Variants in C3orf70 observed in about 807,000 individuals in gnomAD.
C3orf70 encodes the protein UPF0524 protein C3orf70.
A neutral mutation model predicts 20.7 loss-of-function variants in C3orf70; 15 were observed. The ratio of observed to expected loss-of-function variants is 0.72; its 90% CI spans 0.48 to 1.11. C3orf70 has a LOEUF of 1.11. Among genes scored for constraint, C3orf70 ranks in the 50% most tolerant of loss-of-function variants. The pLI, the probability that C3orf70 is intolerant of heterozygous loss-of-function variation, is 0.00. For synonymous variants in C3orf70, 161 were observed against 125.7 expected (o/e 1.28, Z -1.88); for missense variants, 332 against 317.6 (o/e 1.05, Z -0.34).
At chr3:185,102,251 G>C (rs1025490728) in intron 1 of C3orf70, among the ~76,000 whole-genome samples, 3 of 152,116 alleles carry the variant, frequency 2.0e-5, no homozygotes, top group Admixed American at 6.6e-5. Flanking sequence ...GTACAGAAAT[G>C]ATTAGCATTC....
At chr3:185,091,121 A>G (rs1715561019) in intron 1 of C3orf70, among the ~76,000 whole-genome samples, 1 of 152,186 alleles carries the variant, frequency 6.6e-6, no homozygotes, top group African/African-American at 2.4e-5. Flanking sequence ...GAGCTTTCAG[A>G]TAGATACAGA....
chr3:185,142,210 T>C (rs1040311881), intron 1 of C3orf70, among the ~76,000 whole-genome samples: 1 of 152,104 alleles, frequency 6.6e-6, no homozygotes, highest in Non-Finnish European at 1.5e-5. Flanking sequence ...CTGTAATCCC[T>C]GCACTTTGGG....
chr3:185,099,528 T>C (rs1468612585), intron 1 of C3orf70, among the ~76,000 whole-genome samples: 1 of 152,136 alleles, frequency 6.6e-6, no homozygotes, highest in Non-Finnish European at 1.5e-5. Flanking sequence ...GCTGAGATAA[T>C]TCATTACCAC....
At chr3:185,143,513 G>T (rs1366512123) in intron 1 of C3orf70, among the ~76,000 whole-genome samples, 1 of 152,070 alleles carries the variant, frequency 6.6e-6, no homozygotes, top group African/African-American at 2.4e-5. Context: ...GATACAGCTG[G>T]GGGGGTGTTT....
intron 1 of C3orf70, among the ~76,000 whole-genome samples, chr3:185,151,133 G>T (rs1429645720): frequency 2.0e-5 from 3 of 152,208 alleles, no homozygotes; most frequent in African/African-American, 4.8e-5. Context: ...AAGTTAGAAA[G>T]TAACTGATTT....
At chr3:185,091,551 A>G (rs1166275889) in intron 1 of C3orf70, among the ~76,000 whole-genome samples, 1 of 152,062 alleles carries the variant, frequency 6.6e-6, no homozygotes, top group Non-Finnish European at 1.5e-5. Context: ...TTTAAGCATG[A>G]GGTTCTAAGT....
chr3:185,120,155 T>C (rs1184144764), intron 1 of C3orf70, among the ~76,000 whole-genome samples: 2 of 152,090 alleles, frequency 1.3e-5, no homozygotes, highest in Non-Finnish European at 1.5e-5. Flanking sequence ...ACTTCGCAAG[T>C]ATAAATACAT....
At chr3:185,098,228 T>C (rs1043428927) in intron 1 of C3orf70, among the ~76,000 whole-genome samples, 2 of 152,228 alleles carry the variant, frequency 1.3e-5, no homozygotes, top group Non-Finnish European at 2.9e-5. Flanking sequence ...GAATTATCCA[T>C]GCAGATGGCT....
chr3:185,141,348 G>T (rs1357999192), intron 1 of C3orf70, among the ~76,000 whole-genome samples: 4 of 147,688 alleles, frequency 2.7e-5, no homozygotes, highest in Non-Finnish European at 6.0e-5. Flanking sequence ...AAACAGTTTG[G>T]CAGTTTCTTA....
intron 1 of C3orf70, among the ~76,000 whole-genome samples, chr3:185,094,905 G>A (rs973922977): frequency 1.2e-4 from 19 of 152,144 alleles, no homozygotes; most frequent in African/African-American, 4.6e-4. Context: ...AAAAAGGACG[G>A]CTGCTGACAG....
chr3:185,152,851 C>G lies in C3orf70; in HGVS notation c.-28G>C, dbSNP rs1043964560. ...CCTCTCCCTCCGCGCGGAGCCGACA[C>G]CGGGAGCCCGGGAGAAGCGACGTCT... On this transcript the variant is annotated 5_prime_UTR_variant, in exon 1 of 2. Transcript: ENST00000335012. 6.8e-7 allele frequency: 1 copy of G among 1,478,780 alleles called. No individual in the cohort carries two copies. Among genetic ancestry groups the G allele is most frequent in the African/African-American group, 1.5e-5 (1 of 68,352 alleles). 91.6% of individuals were successfully genotyped at this position (1,478,780 alleles called of 1,614,324 possible).
rs559893606 is a variant in C3orf70, at chr3:185,113,021, T to C, written c.197-29458A>G. 5.8e-4 allele frequency among the ~76,000 whole-genome samples: 89 copies of C among 152,344 alleles called. 2 individuals are homozygous for C. The East Asian group carries it at 0.011, about 19-fold the overall frequency. On this transcript the variant is annotated intron_variant, in intron 1 of 1. Coordinates refer to ENST00000335012, the MANE Select transcript of C3orf70 (RefSeq NM_001025266.3). ...TAACATTTTTATTCCAAAATAATAA[T>C]TGCCATTTGACATGCACATAAATCC... is the stretch of plus-strand genomic sequence containing the variant.
intron 1 of C3orf70, among the ~76,000 whole-genome samples, chr3:185,106,826 G>A (rs1715953217): frequency 6.6e-6 from 1 of 152,268 alleles, no homozygotes; most frequent in Non-Finnish European, 1.5e-5. Context: ...TTTTAGGAAG[G>A]TCTAGTTTAA....
rs138914538 is a variant in C3orf70 at position 185,135,916 on chromosome 3, AAAC to A, written c.196+16709_196+16711del. On this transcript the variant is annotated intron_variant, in intron 1 of 1. Coordinates refer to ENST00000335012, the MANE Select transcript of C3orf70 (RefSeq NM_001025266.3). ...GCAGGAAAAAGAAAAGAAAAATAAA[AAAC>A]AAGAAAAAAATAAAATATAAAATGG... Among the ~76,000 whole-genome samples, 454 of 152,272 alleles carry A rather than the reference AAAC, an allele frequency of 3.0e-3. 2 individuals are homozygous for A. Among genetic ancestry groups the A allele is most frequent in the Non-Finnish European group, 5.0e-3 (341 of 68,010 alleles).
intron 1 of C3orf70, among the ~76,000 whole-genome samples, chr3:185,094,096 T>G (rs1179574783): frequency 6.8e-6 from 1 of 147,448 alleles, no homozygotes; most frequent in Non-Finnish European, 1.5e-5. Context: ...TTTTTTTTTT[T>G]TGAGATGGAG....
intron 1 of C3orf70, among the ~76,000 whole-genome samples, chr3:185,135,607 CA>C (rs1245851724): frequency 6.6e-6 from 1 of 152,154 alleles, no homozygotes; most frequent in East Asian, 1.9e-4. Context: ...TAGTTAACAG[CA>C]ATGTATTGCA....
intron 1 of C3orf70, among the ~76,000 whole-genome samples, chr3:185,110,949 C>A (rs1312046110): frequency 1.3e-5 from 2 of 152,116 alleles, no homozygotes; most frequent in African/African-American, 4.8e-5. Context: ...GGCTGTGAGA[C>A]CCCTGATTTC....
intron 1 of C3orf70, among the ~76,000 whole-genome samples, chr3:185,123,512 T>C (rs1716349526): frequency 6.6e-6 from 1 of 151,666 alleles, no homozygotes; most frequent in South Asian, 2.1e-4. Flanking sequence ...CTTTCCTTTT[T>C]TTTTTTTTTA....
At chr3:185,138,775 C>T (rs935510117) in intron 1 of C3orf70, among the ~76,000 whole-genome samples, 1 of 152,062 alleles carries the variant, frequency 6.6e-6, no homozygotes, top group Non-Finnish European at 1.5e-5. Flanking sequence ...AGAACATCTA[C>T]AAAAAATCTA....
Sources: gnomAD v4.1 joint callset for allele counts (sites outside exome capture counted in the v4.1 genomes callset) on GRCh38, gnomAD v4.1.1 for gene constraint, MANE v1.5 for transcripts, NCBI Gene and HGNC (gene_info 2026-07-23, HGNC 2026-07-21) for gene names.